Variants in PRB3 observed in about 807,000 individuals in gnomAD.
PRB3 encodes the protein basic salivary proline-rich protein 3.
In PRB3, 9 loss-of-function variants were observed where a neutral mutation model predicts 10.0. The observed-to-expected ratio is 0.90, with a 90% CI of 0.54 to 1.57. PRB3 has a LOEUF of 1.57. PRB3 is among the 40% of genes most tolerant of loss of function. PRB3 has a pLI of 0.00. For synonymous variants in PRB3, 89 were observed against 138.6 expected (o/e 0.64, Z 2.52); for missense variants, 285 against 385.5 (o/e 0.74, Z 2.18).
chr12:11,267,745 T>C lies in PRB3; in HGVS notation c.504A>G (p.Gln168=). ...GGGGACCTTGGGACTGGTTTCCTCCTTGTGGGGGTGGTCCTTCTGGCTTTC... is the reference window on the plus strand; with the variant it reads ...GGGGACCTTGGGACTGGTTTCCTCCCTGTGGGGGTGGTCCTTCTGGCTTTC... The part of the protein sequence containing the change: ...RPGKPEGPPP[Q]GGNQSQGPPP... The change falls in exon 3 of 4, where the codon CAA becomes CAG. Residue 168 remains glutamine, a synonymous_variant. Coordinates refer to ENST00000538488, the MANE Select transcript of PRB3 (RefSeq NM_001394862.1). 1 of 1,316,512 alleles carries C rather than the reference T, an allele frequency of 7.6e-7. No homozygotes were observed. The highest frequency in any genetic ancestry group is 9.8e-7 in the Non-Finnish European group (1 of 1,020,128). The allele number at this position is 1,316,512 out of a possible 1,614,324, so 81.6% of individuals were successfully genotyped here. A position where few individuals can be genotyped will look rare whatever the true frequency, so the allele number is the denominator to read the frequency against.
intron 2 of PRB3, 60 bp downstream of exon 2, chr12:11,268,573 T>G: frequency 1.3e-6 from 2 of 1,532,626 alleles, no homozygotes; most frequent in South Asian, 1.1e-5. Flanking sequence ...ACTGGAGAAC[T>G]GATCCATTCA....
At chr12:11,268,887 G>A (rs1948623492) in intron 1 of PRB3, 3 of 610,052 alleles carry the variant, frequency 4.9e-6, no homozygotes, top group Non-Finnish European at 2.9e-6. Context: ...ATATAGAAGA[G>A]CCCCTTTTTT....
In PRB3 at chr12:11,268,628, T is replaced by C. The variant is rs1306217900; in HGVS notation, c.100+5A>G. The C allele has an allele frequency of 3.1e-6, 5 of 1,608,098 alleles. No individual in the cohort carries two copies. The African/African-American group carries it at 6.7e-5, about 22-fold the overall frequency. ...AAAACAGATTGAGAGTGAATTGGGA[T>C]TTACCTGATATTACGGAGGGAGATT... On this transcript the variant is annotated splice_donor_5th_base_variant and intron_variant, in intron 2 of 3. Transcript: ENST00000538488.
intron 2 of PRB3, 74 bp from the exon 3 acceptor site, chr12:11,268,222 A>T: frequency 6.2e-7 from 1 of 1,604,190 alleles, no homozygotes; most frequent in Non-Finnish European, 8.5e-7. Context: ...TAAATGGGGA[A>T]ATGCACAAAA....
intron 3 of PRB3, 76 bp downstream of exon 3, chr12:11,267,100 G>A (rs1948593855): frequency 1.4e-6 from 2 of 1,399,856 alleles, no homozygotes; most frequent in Middle Eastern, 1.8e-4. Flanking sequence ...TGGGTTTTTA[G>A]TTGATTCATT....
At position 11,269,589 on chromosome 12, in the gene PRB3, T is replaced by C; in HGVS notation, c.64+17A>G. ...CCCCAAGCAGAGTCACCACATCTTCTCCTCCTTCTGTCTTACCTTCATTTA... is the reference window on the plus strand; with the variant it reads ...CCCCAAGCAGAGTCACCACATCTTCCCCTCCTTCTGTCTTACCTTCATTTA... On this transcript the variant is annotated intron_variant, in intron 1 of 3. Coordinates refer to ENST00000538488, the MANE Select transcript of PRB3 (RefSeq NM_001394862.1). 6.2e-7 allele frequency: 1 copy of C among 1,613,756 alleles called. No homozygotes were observed.
At chr12:11,266,137 T>TC in intron 3 of PRB3, 108 bp from the exon 4 acceptor site, 1 of 395,848 alleles carries the variant, frequency 2.5e-6, no homozygotes, top group South Asian at 1.9e-5. Flanking sequence ...CCATCCTCTC[T>TC]CCCCAATCCC....
At chr12:11,266,149 T>C in intron 3 of PRB3, 120 bp from the exon 4 acceptor site, 1 of 371,486 alleles carries the variant, frequency 2.7e-6, no homozygotes, top group Non-Finnish European at 5.4e-6. Flanking sequence ...CCCAATCCCT[T>C]CAACCTCCTG....
intron 1 of PRB3, among the ~76,000 whole-genome samples, chr12:11,269,205 G>C (rs547108292): frequency 1.3e-5 from 2 of 152,264 alleles, no homozygotes; most frequent in Admixed American, 6.5e-5. Context: ...TATCTCTAAT[G>C]TGTGTTTATC....
At chr12:11,266,677 T>A (rs928334924) in intron 3 of PRB3, among the ~76,000 whole-genome samples, 1 of 152,196 alleles carries the variant, frequency 6.6e-6, no homozygotes, top group Non-Finnish European at 1.5e-5. Flanking sequence ...CCTTTAAAAT[T>A]AACTTCATAT....
intron 3 of PRB3, among the ~76,000 whole-genome samples, chr12:11,266,529 G>T (rs1948588624): frequency 6.6e-6 from 1 of 152,116 alleles, no homozygotes; most frequent in African/African-American, 2.4e-5. Flanking sequence ...ATATATACCT[G>T]CATATAAGTT....
chr12:11,268,208 C>G (rs922776566), intron 2 of PRB3, 60 bp from the exon 3 acceptor site: 32 of 1,611,560 alleles, frequency 2.0e-5, no homozygotes, highest in East Asian at 6.7e-5. Context: ...TACAGTAACG[C>G]AGCTAAATGG....
intron 1 of PRB3, 51 bp downstream of exon 1, chr12:11,269,555 C>A (rs747312339): frequency 1.9e-6 from 3 of 1,596,358 alleles, no homozygotes; most frequent in Non-Finnish European, 2.6e-6. Context: ...ACAACTATCA[C>A]CTCCTAAGCC....
chr12:11,266,703 G>C (rs1036741887), intron 3 of PRB3, among the ~76,000 whole-genome samples: 4 of 152,130 alleles, frequency 2.6e-5, no homozygotes, highest in Admixed American at 6.6e-5. Flanking sequence ...CATTCCATTA[G>C]ATATCTTTTG....
intron 3 of PRB3, among the ~76,000 whole-genome samples, chr12:11,266,791 C>T (rs754048457): frequency 1.3e-5 from 2 of 152,072 alleles, no homozygotes; most frequent in Non-Finnish European, 2.9e-5. Flanking sequence ...GATCAGGGAC[C>T]ATTTGGCAGG....
rs758002550 is a variant in PRB3 at position 11,268,001 on chromosome 12, G to T, written c.248C>A (p.Pro83Gln). ...ACCTTGGGACTGGTTTCCTCCTTGT[G>T]GGGGTGGTCCTTCTGGCTTTCCTGG... Reference protein sequence around the residue: ...PRPGKPEGPPPQGGNQSQGPP... With the variant: ...PRPGKPEGPPQQGGNQSQGPP... The change falls in exon 3 of 4, where the codon CCA (proline) becomes CAA (glutamine). Residue 83 changes from proline to glutamine, a missense_variant. Transcript: ENST00000538488. 2 of 1,594,908 alleles carry T rather than the reference G, an allele frequency of 1.3e-6. No homozygotes were observed. The highest frequency in any genetic ancestry group is 1.7e-6 in the Non-Finnish European group (2 of 1,168,998).
chr12:11,266,573 T>C (rs1218503290), intron 3 of PRB3, among the ~76,000 whole-genome samples: 2 of 152,226 alleles, frequency 1.3e-5, no homozygotes, highest in Non-Finnish European at 2.9e-5. Flanking sequence ...GAATGCTGTA[T>C]GTCTATGCAC....
In PRB3 at chr12:11,268,931, T is replaced by A. The variant is rs968211372; in HGVS notation, c.65-263A>T. Among the ~76,000 whole-genome samples, 9 of 152,300 alleles carry A rather than the reference T, an allele frequency of 5.9e-5. No individual in the cohort carries two copies. In the East Asian group the frequency reaches 1.7e-3, roughly 29 times the overall value. On this transcript the variant is annotated intron_variant, in intron 1 of 3. Coordinates refer to ENST00000538488, the MANE Select transcript of PRB3 (RefSeq NM_001394862.1). ...AGCATCCTTCAAGACTTAATGCTAA[T>A]TTAGTTTACACATGCCAGGTACTTC...
At position 11,267,158 on chromosome 12, in the gene PRB3, A is replaced by G. The variant is rs1248788683; in HGVS notation, c.*17+18T>C. 6.3e-7 allele frequency: 1 copy of G among 1,580,560 alleles called. No individual in the cohort carries two copies. Among genetic ancestry groups the G allele is most frequent in the Non-Finnish European group, 8.7e-7 (1 of 1,149,700 alleles). ...GTAACACTTAGAGCACTTGGTGAAG[A>G]ATAAACTGGAATCATACCTGTCATT... On this transcript the variant is annotated intron_variant, in intron 3 of 3. Coordinates refer to ENST00000538488, the MANE Select transcript of PRB3 (RefSeq NM_001394862.1).
Sources: gnomAD v4.1 joint callset for allele counts (sites outside exome capture counted in the v4.1 genomes callset) on GRCh38, gnomAD v4.1.1 for gene constraint, MANE v1.5 for transcripts, NCBI Gene and HGNC (gene_info 2026-07-23, HGNC 2026-07-21) for gene names.